The following ARFGEF3 variants were observed in gnomAD, a reference collection of about 807,000 sequenced individuals.
ARFGEF3 encodes the protein ARFGEF family member 3.
A neutral mutation model predicts 221.7 loss-of-function variants in ARFGEF3; 96 were observed. That is an observed-to-expected ratio of 0.43 (90% CI 0.37 to 0.51). ARFGEF3 has a LOEUF of 0.51. Ranked by LOEUF, ARFGEF3 falls within the 20% of genes least tolerant of loss-of-function variation. The pLI is 0.00. For synonymous variants in ARFGEF3, 1,145 were observed against 1,126.8 expected (o/e 1.02, Z -0.32); for missense variants, 2,410 against 2,789.9 (o/e 0.86, Z 3.07).
chr6:138,335,812 G>A lies in ARFGEF3; in HGVS notation c.6343-483G>A, dbSNP rs1209221137. 2.6e-5 allele frequency among the ~76,000 whole-genome samples: 4 copies of A among 152,182 alleles called. 1 individual carries two copies. Among genetic ancestry groups the A allele is most frequent in the Admixed American group, 1.3e-4 (2 of 15,280 alleles). On this transcript the variant is annotated intron_variant, in intron 33 of 33. Transcript: ENST00000251691. ...ATGAAGCATTATATAAAAGAAAAAA[G>A]CAAAGTAAATATTGTGTGGTTATGC...
At chr6:138,295,255 G>T (rs1269201187) in intron 20 of ARFGEF3, among the ~76,000 whole-genome samples, 1 of 152,020 alleles carries the variant, frequency 6.6e-6, no homozygotes, top group African/African-American at 2.4e-5. Flanking sequence ...AGCATCTGAG[G>T]CAAGTCATAT....
intron 22 of ARFGEF3, 55 bp downstream of exon 22, chr6:138,298,840 AG>A: frequency 7.3e-7 from 1 of 1,371,070 alleles, no homozygotes. Context: ...GTGCAGTGGC[AG>A]GCACGGTTCT....
chr6:138,232,317 A>T (rs1305730406), intron 5 of ARFGEF3, among the ~76,000 whole-genome samples: 2 of 152,192 alleles, frequency 1.3e-5, no homozygotes, highest in Non-Finnish European at 2.9e-5. Flanking sequence ...GACCAGCCTA[A>T]CCAACATGGG....
At position 138,255,735 on chromosome 6, in the gene ARFGEF3, A is replaced by G. The variant is rs751724045; in HGVS notation, c.1070A>G (p.Gln357Arg). The change falls in exon 10 of 34, where the codon CAG becomes CGG. Residue 357 changes from glutamine (Q) to arginine (R), a missense_variant. This residue lies in a region of ARFGEF3 where 570 missense variants were observed against 586.9 expected (regional missense o/e 0.97). Transcript: ENST00000251691. ...CGAGTGCTGCTCTACCCCCCACCCC[A>G]GCACCGGGTGGAAGCCATCAAAATA... ...YHRVLLYPPP[Q>R]HRVEAIKIMK... 1.3e-6 allele frequency: 2 copies of G among 1,592,782 alleles called. No individual in the cohort carries two copies. The highest frequency in any genetic ancestry group is 2.3e-5 in the East Asian group (1 of 44,276).
chr6:138,276,595 TGATTGTGA>T (rs1024472056), intron 12 of ARFGEF3, among the ~76,000 whole-genome samples: 4 of 152,202 alleles, frequency 2.6e-5, no homozygotes, highest in African/African-American at 9.6e-5. Context: ...TTTAACAGTT[TGATTGTGA>T]GATAACTCAC....
chr6:138,272,737 G>A (rs572095111), intron 12 of ARFGEF3, among the ~76,000 whole-genome samples: 11 of 152,216 alleles, frequency 7.2e-5, no homozygotes, highest in South Asian at 2.1e-4. Context: ...ATCTTATCAC[G>A]AAGGTTTAGA....
In ARFGEF3 at chr6:138,319,846, G is replaced by C. The variant is rs757846583; in HGVS notation, c.4618G>C (p.Val1540Leu). 2 of 1,613,998 alleles carry C rather than the reference G, an allele frequency of 1.2e-6. No individual in the cohort carries two copies. Among genetic ancestry groups the C allele is most frequent in the Non-Finnish European group, 1.7e-6 (2 of 1,179,890 alleles). Residue 1540 changes from valine to leucine, a missense_variant, in exon 28 of 34, where the codon GTG becomes CTG. By Grantham distance (32) the Val-to-Leu change is conservative. Transcript: ENST00000251691. The part of the protein sequence containing the change: ...KHAIGLSCEL[V>L]VEHIQSFLHS... The stretch of plus-strand genomic sequence containing the variant: ...CGCTATTGGTCTGTCCTGTGAGCTG[G>C]TGGTGGAGCACATTCAAAGCTTTCT...
intron 33 of ARFGEF3, among the ~76,000 whole-genome samples, chr6:138,335,544 C>CA (rs113813772): frequency 0.026 from 3,304 of 126,908 alleles, 37 homozygotes; most frequent in Middle Eastern, 0.12. Flanking sequence ...ATCATCTCTA[C>CA]AAAAAAAAAA....
chr6:138,343,911 C>CA lies in ARFGEF3; in HGVS notation c.*7426dup, dbSNP rs1478750284. The CA allele has an allele frequency of 7.2e-5, 11 of 152,132 alleles. No homozygotes were observed. Among genetic ancestry groups the CA allele is most frequent in the Admixed American group, 7.2e-4 (11 of 15,256 alleles). The allele number at this position is 152,132 out of a possible 1,614,324, so 9.4% of individuals were successfully genotyped here. On this transcript the variant is annotated 3_prime_UTR_variant, in exon 34 of 34. Coordinates refer to ENST00000251691, the MANE Select transcript of ARFGEF3 (RefSeq NM_020340.5). Reference sequence around the variant, plus strand: ...AATGTGATAGAATATCCAGGTGTGGCATGATGGGGCAGGAGGAGGTGCCTA... The same window carrying CA: ...AATGTGATAGAATATCCAGGTGTGGCAATGATGGGGCAGGAGGAGGTGCCTA...
At chr6:138,242,380 G>T (rs140460743) in intron 6 of ARFGEF3, among the ~76,000 whole-genome samples, 1 of 152,062 alleles carries the variant, frequency 6.6e-6, no homozygotes, top group Non-Finnish European at 1.5e-5. Flanking sequence ...TCATAGTTCT[G>T]GATGTACCTA....
At chr6:138,194,745 T>C (rs563889197) in intron 2 of ARFGEF3, among the ~76,000 whole-genome samples, 150 of 152,180 alleles carry the variant, frequency 9.9e-4, no homozygotes, top group South Asian at 4.4e-3. Flanking sequence ...TGAAAGATGG[T>C]AAGGACATTT....
At chr6:138,311,234 G>A (rs1280756859) in intron 24 of ARFGEF3, among the ~76,000 whole-genome samples, 173 bp from the exon 25 acceptor site, 1 of 152,204 alleles carries the variant, frequency 6.6e-6, no homozygotes, top group Admixed American at 6.5e-5. Context: ...TGGGAGAATG[G>A]CTGAAAGGAT....
At chr6:138,286,415 A>C (rs1461437164) in intron 15 of ARFGEF3, among the ~76,000 whole-genome samples, 3 of 149,800 alleles carry the variant, frequency 2.0e-5, no homozygotes, top group Non-Finnish European at 4.4e-5. Flanking sequence ...GTGCCACTGC[A>C]CTCCAGCCTG....
In ARFGEF3 at chr6:138,262,940, T is replaced by C. The variant is rs1583037788; in HGVS notation, c.1457T>C (p.Leu486Pro). 2 of 1,604,298 alleles carry C rather than the reference T, an allele frequency of 1.2e-6. No homozygotes were observed. The highest frequency in any genetic ancestry group is 1.7e-6 in the Non-Finnish European group (2 of 1,175,308). Residue 486 changes from leucine to proline, a missense_variant, in exon 12 of 34, where the codon CTG (leucine) becomes CCG (proline). Leu to Pro is a moderately conservative substitution (Grantham distance 98). Transcript: ENST00000251691. ...GACTTCCGCTGGCAGCGGCGAGTGC[T>C]GTCCTCAGAACACACGCCGTGGGAG... Reference protein sequence around the residue: ...EADFRWQRRVLSSEHTPWESG... With the variant: ...EADFRWQRRVPSSEHTPWESG...
chr6:138,235,022 A>G (rs1778259556), intron 5 of ARFGEF3, among the ~76,000 whole-genome samples: 1 of 152,196 alleles, frequency 6.6e-6, no homozygotes, highest in Admixed American at 6.5e-5. Context: ...TGAAAAATAT[A>G]TGTATATATA....
At chr6:138,194,752 A>G (rs1474367230) in intron 2 of ARFGEF3, among the ~76,000 whole-genome samples, 2 of 152,156 alleles carry the variant, frequency 1.3e-5, no homozygotes, top group Non-Finnish European at 2.9e-5. Flanking sequence ...TGGTAAGGAC[A>G]TTTCTCTAGG....
intron 31 of ARFGEF3, among the ~76,000 whole-genome samples, chr6:138,327,106 C>T (rs7743631): frequency 0.15 from 22,792 of 151,944 alleles, 2,962 homozygotes; most frequent in African/African-American, 0.36. Context: ...CTGTGGGGAA[C>T]GGGGGAGGGA....
rs1780422706 is a variant in ARFGEF3 at position 138,341,065 on chromosome 6, G to T, written c.*4579G>T. 6.6e-6 allele frequency: 1 copy of T among 152,304 alleles called. No individual in the cohort carries two copies. The highest frequency in any genetic ancestry group is 1.5e-5 in the Non-Finnish European group (1 of 68,166). 9.4% of individuals were successfully genotyped at this position (152,304 alleles called of 1,614,324 possible). ...ACTCACTGAATTAGGTGGAAATGATGGAATAATACTATTCATGGCCAGCTA... is the reference window on the plus strand; with the variant it reads ...ACTCACTGAATTAGGTGGAAATGATTGAATAATACTATTCATGGCCAGCTA... On this transcript the variant is annotated 3_prime_UTR_variant, in exon 34 of 34. Coordinates refer to ENST00000251691, the MANE Select transcript of ARFGEF3 (RefSeq NM_020340.5).
At chr6:138,303,120 T>C (rs1481783744) in intron 22 of ARFGEF3, among the ~76,000 whole-genome samples, 3 of 152,204 alleles carry the variant, frequency 2.0e-5, no homozygotes, top group Non-Finnish European at 4.4e-5. Context: ...GAAATGGAGC[T>C]ATATAGAAGC....
Sources: gnomAD v4.1 joint callset for allele counts (sites outside exome capture counted in the v4.1 genomes callset) on GRCh38, gnomAD v4.1.1 for gene constraint, gnomAD v4.1.1 regional missense constraint, MANE v1.5 for transcripts, NCBI Gene and HGNC (gene_info 2026-07-23, HGNC 2026-07-21) for gene names.